Variants in RANBP2 observed in about 807,000 individuals in gnomAD.
RANBP2 encodes RAN binding protein 2.
RANBP2 carries 57 observed loss-of-function variants against 303.6 expected under a neutral mutation model. The observed-to-expected ratio is 0.19, with a 90% confidence interval of 0.15 to 0.23. The LOEUF is 0.23. Ranked by LOEUF, RANBP2 falls within the 10% of genes least tolerant of loss-of-function variation. The pLI, the probability that RANBP2 is intolerant of heterozygous loss-of-function variation, is 1.00. For synonymous variants in RANBP2, 1,167 were observed against 1,301.5 expected (o/e 0.90, Z 2.23); for missense variants, 3,138 against 3,780.8 (o/e 0.83, Z 4.46).
chr2:109,427,840 C>T, the RANBP2 span, among the ~76,000 whole-genome samples: 3 of 152,252 alleles, frequency 2.0e-5, no homozygotes, highest in Non-Finnish European at 4.4e-5. Context: ...ATGATGTCAG[C>T]CCTCAGGGAA....
chr2:108,866,617 G>T, the RANBP2 span, among the ~76,000 whole-genome samples: 33 of 152,200 alleles, frequency 2.2e-4, no homozygotes, highest in Admixed American at 3.9e-4. Context: ...AGGCATGGTG[G>T]CTCATGCCTG....
the RANBP2 span, among the ~76,000 whole-genome samples, chr2:109,457,381 C>T: frequency 6.6e-6 from 1 of 152,142 alleles, no homozygotes; most frequent in Non-Finnish European, 1.5e-5. Context: ...AGTAGGGTTT[C>T]AACTGCAAAG....
At chr2:108,753,588 A>G in intron 14 of RANBP2, 25 bp downstream of exon 14, 1 of 1,603,506 alleles carries the variant, frequency 6.2e-7, no homozygotes, top group South Asian at 1.1e-5. Flanking sequence ...TACTTGAGCT[A>G]AAAGTTTTAT....
the RANBP2 span, among the ~76,000 whole-genome samples, chr2:108,815,569 G>A: frequency 6.9e-6 from 1 of 145,804 alleles, no homozygotes; most frequent in Non-Finnish European, 1.5e-5. Context: ...TGGTTCAGGT[G>A]ATTCTCCTCC....
At chr2:109,443,804 G>T in the RANBP2 span, among the ~76,000 whole-genome samples, 3 of 152,184 alleles carry the variant, frequency 2.0e-5, no homozygotes, top group Non-Finnish European at 4.4e-5. Flanking sequence ...TATGGTCAGA[G>T]ACTTTCATGT....
the RANBP2 span, chr2:109,605,033 A>G: frequency 6.6e-6 from 1 of 152,212 alleles, no homozygotes; most frequent in Admixed American, 6.5e-5. Flanking sequence ...TGGATCCCTC[A>G]AAGAACTTTT....
the RANBP2 span, among the ~76,000 whole-genome samples, chr2:109,555,945 G>A: frequency 2.0e-5 from 3 of 152,148 alleles, no homozygotes; most frequent in Non-Finnish European, 2.9e-5. Context: ...TTCCTTCCAA[G>A]CACTGCCATG....
chr2:108,794,024 G>A, the RANBP2 span, among the ~76,000 whole-genome samples: 4 of 152,102 alleles, frequency 2.6e-5, no homozygotes, highest in African/African-American at 9.7e-5. Context: ...TTGCAAAATA[G>A]GATATACAGT....
chr2:109,508,726 C>T, the RANBP2 span, among the ~76,000 whole-genome samples: 1 of 152,166 alleles, frequency 6.6e-6, no homozygotes, highest in African/African-American at 2.4e-5. Flanking sequence ...TGGCTTCACC[C>T]ACTCACTTAT....
At chr2:109,490,558 T>C in the RANBP2 span, 1 of 1,358,516 alleles carries the variant, frequency 7.4e-7, no homozygotes, top group Middle Eastern at 1.9e-4. Flanking sequence ...AGCAAGGGCA[T>C]TGGGAAGCAT....
At chr2:109,101,328 C>T in the RANBP2 span, among the ~76,000 whole-genome samples, 21 of 152,154 alleles carry the variant, frequency 1.4e-4, no homozygotes, top group Middle Eastern at 3.4e-3. Context: ...AGATCAAGAC[C>T]ATCCTGGCTA....
the RANBP2 span, among the ~76,000 whole-genome samples, chr2:109,728,885 C>T: frequency 6.6e-6 from 1 of 152,076 alleles, no homozygotes; most frequent in Non-Finnish European, 1.5e-5. Flanking sequence ...TTCAAGCTTT[C>T]AGTGGTTTAA....
At chr2:109,340,488 A>G in the RANBP2 span, among the ~76,000 whole-genome samples, 1 of 152,194 alleles carries the variant, frequency 6.6e-6, no homozygotes, top group African/African-American at 2.4e-5. Context: ...TCACTTATTC[A>G]GTGAATATGG....
chr2:109,354,169 TC>T, the RANBP2 span, among the ~76,000 whole-genome samples: 4,368 of 152,254 alleles, frequency 0.029, 153 homozygotes, highest in African/African-American at 0.088. Flanking sequence ...TTTTTAATTT[TC>T]CCTTCTCCCT....
At chr2:109,501,135 TCCTGACCCTCCCCCGCCCCTGCC>T in the RANBP2 span, among the ~76,000 whole-genome samples, 11 of 152,048 alleles carry the variant, frequency 7.2e-5, no homozygotes, top group African/African-American at 1.9e-4. Flanking sequence ...ACACAGTTTT[TCCTGACCCTCCCCCGCCCCTGCC>T]CCTGGGAGGC....
chr2:109,308,167 T>C, the RANBP2 span, among the ~76,000 whole-genome samples: 1 of 139,564 alleles, frequency 7.2e-6, no homozygotes, highest in Non-Finnish European at 1.5e-5. Flanking sequence ...ATTTCCCTGA[T>C]GGCCAGTGAT....
the RANBP2 span, among the ~76,000 whole-genome samples, chr2:109,033,859 G>A: frequency 6.6e-5 from 10 of 151,608 alleles, no homozygotes; most frequent in South Asian, 2.1e-4. Context: ...GGGAGGCTGA[G>A]GCACGAGAAT....
the RANBP2 span, among the ~76,000 whole-genome samples, chr2:109,610,402 TA>T: frequency 6.6e-6 from 1 of 151,960 alleles, no homozygotes; most frequent in East Asian, 1.9e-4. Flanking sequence ...CCCTGAATTT[TA>T]ATATCCTCTT....
the RANBP2 span, chr2:109,130,218 C>A: frequency 2.8e-6 from 3 of 1,082,540 alleles, no homozygotes; most frequent in Non-Finnish European, 3.5e-6. Flanking sequence ...CACGGGTGGT[C>A]CTGCGTTGGC....
Sources: gnomAD v4.1 joint callset for allele counts (sites outside exome capture counted in the v4.1 genomes callset) on GRCh38, gnomAD v4.1.1 for gene constraint, MANE v1.5 for transcripts, NCBI Gene and HGNC (gene_info 2026-07-23, HGNC 2026-07-21) for gene names.